The following RIMKLA variants were observed in gnomAD, a reference collection of about 807,000 sequenced individuals.
RIMKLA encodes the protein N-acetylaspartylglutamate synthase A.
In RIMKLA, 14 loss-of-function variants were observed where a neutral mutation model predicts 32.7. That is an observed-to-expected ratio of 0.43 (90% CI 0.28 to 0.67). The LOEUF (loss-of-function observed/expected upper bound fraction) is 0.67, where lower values mean the gene tolerates loss of function less well. RIMKLA is among the 30% of genes least tolerant of loss of function. The pLI, the probability that RIMKLA is intolerant of heterozygous loss-of-function variation, is 0.18. For missense variants in RIMKLA, 410 were observed against 519.0 expected, an observed-to-expected ratio of 0.79 and a Z score of 2.04; for synonymous variants, 176 against 204.1, an observed-to-expected ratio of 0.86 and a Z score of 1.18.
At chr1:42,406,174 A>G (rs1297311447) in intron 3 of RIMKLA, among the ~76,000 whole-genome samples, 1 of 152,236 alleles carries the variant, frequency 6.6e-6, no homozygotes, top group East Asian at 1.9e-4. Context: ...GTAAGACAGC[A>G]AACAGAAATT....
Position 42,423,790 on chromosome 1 carries a change from A to C in RIMKLA, c.*8816A>C, listed in dbSNP as rs1643314801. ...CGCTGGTATCCGCTGCTTTTCCTGC[A>C]GCTGCTGCTTTCACTAATGGCACTT... On this transcript the variant is annotated 3_prime_UTR_variant, in exon 5 of 5. Coordinates refer to ENST00000431473, the MANE Select transcript of RIMKLA (RefSeq NM_173642.4). 6.6e-6 allele frequency among the ~76,000 whole-genome samples: 1 copy of C among 152,156 alleles called. No individual in the cohort carries two copies. The highest frequency in any genetic ancestry group is 1.5e-5 in the Non-Finnish European group (1 of 68,032).
rs1186238079 is a variant in RIMKLA at position 42,417,255 on chromosome 1, A to T, written c.*2281A>T. 3 of 152,308 alleles carry T rather than the reference A, an allele frequency of 2.0e-5. No individual in the cohort carries two copies. Among genetic ancestry groups the T allele is most frequent in the African/African-American group, 7.2e-5 (3 of 41,472 alleles). The allele number at this position is 152,308 out of a possible 1,614,324, so 9.4% of individuals were successfully genotyped here. A position where few individuals can be genotyped will look rare whatever the true frequency, so the allele number is the denominator to read the frequency against. ...GAGGCCCATTTTCCAGCTGTGAGTG[A>T]CATCTGTAGTCATTGGCTTCATTGC... On this transcript the variant is annotated 3_prime_UTR_variant, in exon 5 of 5. Transcript: ENST00000431473.
At position 42,418,544 on chromosome 1, in the gene RIMKLA, G is replaced by T. The variant is rs1028817137; in HGVS notation, c.*3570G>T. On this transcript the variant is annotated 3_prime_UTR_variant, in exon 5 of 5. Coordinates refer to ENST00000431473, the MANE Select transcript of RIMKLA (RefSeq NM_173642.4). ...TGATTTGGAATTCTAGTAGGAAGGA[G>T]GAAAAAATGGCTCTTCTGTGGGCTG... 6.6e-6 allele frequency: 1 copy of T among 152,050 alleles called. No individual in the cohort carries two copies. Among genetic ancestry groups the T allele is most frequent in the Non-Finnish European group, 1.5e-5 (1 of 67,994 alleles). 9.4% of individuals were successfully genotyped at this position (152,050 alleles called of 1,614,324 possible).
chr1:42,410,244 A>T, intron 4 of RIMKLA, 57 bp downstream of exon 4: 1 of 1,426,490 alleles, frequency 7.0e-7, no homozygotes, highest in Non-Finnish European at 9.9e-7. Context: ...CAGCAAATGT[A>T]TATCGATCCC....
intron 1 of RIMKLA, among the ~76,000 whole-genome samples, chr1:42,385,771 GTTTC>G (rs1227914162): frequency 0.29 from 26,795 of 92,698 alleles, 4,668 homozygotes; most frequent in African/African-American, 0.46. Flanking sequence ...TTCTTTCTTT[GTTTC>G]TTTGTTTGTT....
chr1:42,385,769 T>TTCTTTC lies in RIMKLA; in HGVS notation c.163+4673_163+4674insCTTTCT, dbSNP rs777161016. Among the ~76,000 whole-genome samples the TTCTTTC allele has an allele frequency of 4.0e-5, 4 of 100,324 alleles. 1 individual carries two copies. The highest frequency in any genetic ancestry group is 7.8e-5 in the Non-Finnish European group (4 of 51,116). 65.8% of individuals were successfully genotyped at this position (100,324 alleles called of 152,430 possible). ...TTTCTTTCTTTCTTTCTTTCTTTCT[T>TTCTTTC]TGTTTCTTTGTTTGTTTGTTTCTTT... On this transcript the variant is annotated intron_variant, in intron 1 of 4. Coordinates refer to ENST00000431473, the MANE Select transcript of RIMKLA (RefSeq NM_173642.4).
chr1:42,398,834 G>A (rs1643069107), intron 1 of RIMKLA, among the ~76,000 whole-genome samples: 1 of 152,050 alleles, frequency 6.6e-6, no homozygotes, highest in Non-Finnish European at 1.5e-5. Context: ...GGGCATGGTG[G>A]TGCACGCCTG....
At chr1:42,393,787 T>TTTA (rs1643018958) in intron 1 of RIMKLA, among the ~76,000 whole-genome samples, 3 of 151,910 alleles carry the variant, frequency 2.0e-5, no homozygotes, top group Non-Finnish European at 4.4e-5. Context: ...ACTTTTATTT[T>TTTA]TTTATTTATT....
chr1:42,412,173 T>C (rs1395482613), intron 4 of RIMKLA, among the ~76,000 whole-genome samples: 3 of 152,164 alleles, frequency 2.0e-5, no homozygotes, highest in Non-Finnish European at 4.4e-5. Context: ...AGGGACATTG[T>C]TAAGGTAAAG....
intron 2 of RIMKLA, among the ~76,000 whole-genome samples, chr1:42,403,947 G>A (rs1199785843): frequency 2.6e-5 from 4 of 152,186 alleles, no homozygotes; most frequent in African/African-American, 9.7e-5. Flanking sequence ...CTCTGCTAGA[G>A]GCTGTCCTCC....
intron 1 of RIMKLA, among the ~76,000 whole-genome samples, chr1:42,398,132 A>T (rs1462743507): frequency 6.6e-6 from 1 of 152,192 alleles, no homozygotes; most frequent in African/African-American, 2.4e-5. Context: ...AGCAGGCACT[A>T]TTCTAGGTGC....
Position 42,381,057 on chromosome 1 carries a change from T to C in RIMKLA, c.123T>C (p.Leu41=). The C allele has an allele frequency of 7.6e-7, 1 of 1,312,662 alleles. No individual in the cohort carries two copies. Among genetic ancestry groups the C allele is most frequent in the Non-Finnish European group, 9.7e-7 (1 of 1,026,144 alleles). 81.3% of individuals were successfully genotyped at this position (1,312,662 alleles called of 1,614,324 possible). ...AGGACGTGCGCTTCCGGGCGGTGCT[T>C]ATGGACCAGATCGCCGTCACCATCG... ...SEQDVRFRAV[L]MDQIAVTIVG... is the part of the protein sequence containing the mutation. The change falls in exon 1 of 5, where the codon CTT becomes CTC. Residue 41 remains leucine (L), a synonymous_variant. Coordinates refer to ENST00000431473, the MANE Select transcript of RIMKLA (RefSeq NM_173642.4).
At chr1:42,407,773 A>C (rs1027640639) in intron 3 of RIMKLA, among the ~76,000 whole-genome samples, 1 of 152,208 alleles carries the variant, frequency 6.6e-6, no homozygotes, top group Non-Finnish European at 1.5e-5. Flanking sequence ...GGGATTAACC[A>C]TCCTTGTTAT....
chr1:42,385,834 T>TTCTCTCTCTCTCTC lies in RIMKLA; in HGVS notation c.163+4740_163+4741insCTCTCTCTCTCTCT, dbSNP rs1230290751. On this transcript the variant is annotated intron_variant, in intron 1 of 4. Transcript: ENST00000431473. ...TTCCTTCCTTCCTTCCTTCCTTTCT[T>TTCTCTCTCTCTCTC]TCTTTCTTTCTCTTTCTTTCTTTCT... Among the ~76,000 whole-genome samples the TTCTCTCTCTCTCTC allele has an allele frequency of 7.9e-5, 6 of 75,596 alleles. 1 individual carries two copies. The highest frequency in any genetic ancestry group is 2.6e-4 in the African/African-American group (6 of 22,860). 49.6% of individuals were successfully genotyped at this position (75,596 alleles called of 152,430 possible).
intron 4 of RIMKLA, chr1:42,412,569 G>A: frequency 2.0e-6 from 1 of 498,064 alleles, no homozygotes; most frequent in South Asian, 1.5e-5. Flanking sequence ...CATCAGACTG[G>A]GGCTGTTCAC....
At position 42,422,603 on chromosome 1, in the gene RIMKLA, T is replaced by C. The variant is rs375293014; in HGVS notation, c.*7629T>C. ...ACAGAATGCTTTGTTTGCCTTTGTC[T>C]CCAAAATTCTGTGCCTTTTGGTGGT... On this transcript the variant is annotated 3_prime_UTR_variant, in exon 5 of 5. Coordinates refer to ENST00000431473, the MANE Select transcript of RIMKLA (RefSeq NM_173642.4). 32 of 152,338 alleles carry C rather than the reference T, an allele frequency of 2.1e-4. No homozygotes were observed. The highest frequency in any genetic ancestry group is 7.2e-4 in the African/African-American group (30 of 41,578). The allele number at this position is 152,338 out of a possible 1,614,324, so 9.4% of individuals were successfully genotyped here. A position where few individuals can be genotyped will look rare whatever the true frequency, so the allele number is the denominator to read the frequency against.
intron 1 of RIMKLA, among the ~76,000 whole-genome samples, chr1:42,385,830 T>TCCTTCCTCTCTCTCTC (rs1557749857): frequency 1.3e-5 from 1 of 74,216 alleles, no homozygotes; most frequent in Admixed American, 1.3e-4. Flanking sequence ...CTTCCTTCCT[T>TCCTTCCTCTCTCTCTC]TCTTTCTTTC....
chr1:42,411,594 G>A (rs1487697914), intron 4 of RIMKLA, among the ~76,000 whole-genome samples: 1 of 151,472 alleles, frequency 6.6e-6, no homozygotes, highest in Non-Finnish European at 1.5e-5. Flanking sequence ...CCGAGTAATT[G>A]GGATTATAGG....
intron 4 of RIMKLA, chr1:42,412,910 C>T (rs28575185): frequency 0.16 from 32,117 of 204,830 alleles, 2,648 homozygotes; most frequent in East Asian, 0.22. Context: ...CTGAGGCGGG[C>T]AGATCACAAG....
Sources: allele counts gnomAD v4.1 joint callset (sites outside exome capture counted in the v4.1 genomes callset), GRCh38; gene constraint gnomAD v4.1.1; transcripts MANE v1.5; gene names NCBI Gene and HGNC (gene_info 2026-07-23, HGNC 2026-07-21).